Variants in TAF1 observed in about 807,000 individuals in gnomAD.
TAF1 encodes the protein transcription initiation factor TFIID subunit 1.
Under a neutral mutation model 138.5 loss-of-function variants are expected in TAF1, and 2 were observed. The observed-to-expected ratio is 0.01, with a 90% CI of 0.01 to 0.05. The LOEUF (loss-of-function observed/expected upper bound fraction) is 0.05. Among genes scored for constraint, TAF1 ranks in the 10% least tolerant of loss-of-function variants. TAF1 has a pLI of 1.00. For missense variants in TAF1, 709 were observed against 1,478.0 expected, an observed-to-expected ratio of 0.48 and a Z score of 8.53; for synonymous variants, 437 against 503.2, an observed-to-expected ratio of 0.87 and a Z score of 1.76.
intron 28 of TAF1, among the ~76,000 whole-genome samples, chrX:71,417,583 C>T (rs5980763): frequency 7.3e-5 from 8 of 110,285 alleles, no homozygotes; most frequent in Non-Finnish European, 1.5e-4. Flanking sequence ...AGGCTGGTCT[C>T]GAACTCCTGG....
chrX:71,507,882 G>A (rs1005924577), intron 13 of TAF1, among the ~76,000 whole-genome samples: 1 of 109,988 alleles, frequency 9.1e-6, no homozygotes, highest in Non-Finnish European at 1.9e-5. Flanking sequence ...GGGCATGGTG[G>A]CTCACACCTG....
chrX:71,397,455 T>C lies in TAF1; in HGVS notation c.3609T>C (p.Asp1203=). ...DAYVRIRTTK[D]EEFIRKFALF... is the part of the protein sequence containing the mutation. ...ATGTGCGCATACGGACTACAAAAGA[T>C]GAGGAATTCATGTGAGTTTGATTTA... The change falls in exon 23 of 38, where the codon GAT becomes GAC. Residue 1203 remains aspartate, a synonymous_variant. Transcript: ENST00000423759. 8.3e-7 allele frequency: 1 copy of C among 1,211,776 alleles called. No homozygotes were observed. The highest frequency in any genetic ancestry group is 1.1e-6 in the Non-Finnish European group (1 of 895,491).
At chrX:71,402,590 C>G (rs1373854275) in intron 25 of TAF1, among the ~76,000 whole-genome samples, 1 of 112,227 alleles carries the variant, frequency 8.9e-6, no homozygotes, top group Non-Finnish European at 1.9e-5. Flanking sequence ...GACATAGAAA[C>G]TGTGCTTATA....
intron 32 of TAF1, among the ~76,000 whole-genome samples, chrX:71,426,296 G>A (rs1174580098): frequency 2.7e-5 from 3 of 111,472 alleles, no homozygotes; most frequent in Admixed American, 9.5e-5. Flanking sequence ...CCAGAAGAGA[G>A]TTTTCTTAAG....
intron 32 of TAF1, among the ~76,000 whole-genome samples, chrX:71,452,118 C>G (rs1203801616): frequency 1.9e-5 from 2 of 106,678 alleles, no homozygotes; most frequent in African/African-American, 3.4e-5. Flanking sequence ...GACCCCCCCC[C>G]CCACCTCCCT....
chrX:71,410,718 A>G (rs12843061), intron 28 of TAF1, among the ~76,000 whole-genome samples: 2 of 110,157 alleles, frequency 1.8e-5, no homozygotes, highest in Non-Finnish European at 3.8e-5. Flanking sequence ...CGGCCTCCCA[A>G]AGTGCTGGGA....
intron 32 of TAF1, among the ~76,000 whole-genome samples, chrX:71,448,419 A>C (rs1159532035): frequency 8.9e-6 from 1 of 112,001 alleles, no homozygotes; most frequent in African/African-American, 3.2e-5. Flanking sequence ...CCGATGAAAA[A>C]CTAAGGCTGT....
At chrX:71,376,804 G>GATACTA in intron 4 of TAF1, 146 bp from the exon 5 acceptor site, 1 of 812,813 alleles carries the variant, frequency 1.2e-6, no homozygotes, top group South Asian at 2.7e-5. Flanking sequence ...GAGTTTTCTG[G>GATACTA]GTTGCATACT....
intron 8 of TAF1, among the ~76,000 whole-genome samples, chrX:71,381,490 C>A (rs1195203483): frequency 9.0e-6 from 1 of 111,581 alleles, no homozygotes; most frequent in Non-Finnish European, 1.9e-5. Context: ...GTCTTGAACT[C>A]CTGACCTGAA....
chrX:71,454,923 T>C, intron 34 of TAF1, 66 bp downstream of exon 34: 2 of 1,197,005 alleles, frequency 1.7e-6, no homozygotes, highest in Non-Finnish European at 2.3e-6. Flanking sequence ...TGGGAGCATG[T>C]TAACAAATCC....
intron 32 of TAF1, among the ~76,000 whole-genome samples, chrX:71,436,983 A>G (rs2037177603): frequency 9.0e-6 from 1 of 110,998 alleles, no homozygotes; most frequent in African/African-American, 3.3e-5. Flanking sequence ...ATTTATTCAC[A>G]TTTTCTTTTA....
intron 28 of TAF1, among the ~76,000 whole-genome samples, chrX:71,409,416 A>G (rs2035652703): frequency 9.0e-6 from 1 of 111,286 alleles, no homozygotes; most frequent in Non-Finnish European, 1.9e-5. Context: ...GGCATGAGCC[A>G]TTGCGCCTGG....
At chrX:71,431,115 A>G (rs896670040) in intron 32 of TAF1, among the ~76,000 whole-genome samples, 4 of 103,668 alleles carry the variant, frequency 3.9e-5, no homozygotes, top group Non-Finnish European at 5.9e-5. Flanking sequence ...CCCAGGTTCA[A>G]GTGATTTGCC....
chrX:71,369,572 G>C (rs1050924920), intron 3 of TAF1, among the ~76,000 whole-genome samples: 1 of 107,812 alleles, frequency 9.3e-6, no homozygotes, highest in Non-Finnish European at 1.9e-5. Flanking sequence ...TTGAGCACTT[G>C]TTATGTACTC....
At chrX:71,487,187 T>G (rs2039186976) in intron 13 of TAF1, among the ~76,000 whole-genome samples, 1 of 109,047 alleles carries the variant, frequency 9.2e-6, no homozygotes, top group East Asian at 2.8e-4. Flanking sequence ...AGCTCATTGA[T>G]GATCTGTTCT....
intron 32 of TAF1, among the ~76,000 whole-genome samples, chrX:71,424,928 CT>C (rs945283201): frequency 1.3e-3 from 140 of 110,746 alleles, no homozygotes; most frequent in Middle Eastern, 4.7e-3. Flanking sequence ...CCCAGCCAGT[CT>C]TTTTTTTTAA....
chrX:71,428,593 G>A (rs1180580978), intron 32 of TAF1, among the ~76,000 whole-genome samples: 1 of 112,063 alleles, frequency 8.9e-6, no homozygotes, highest in African/African-American at 3.2e-5. Flanking sequence ...CATGTGGTAA[G>A]ATTATAATCC....
At chrX:71,396,805 G>C (rs1319571243) in intron 22 of TAF1, among the ~76,000 whole-genome samples, 1 of 110,100 alleles carries the variant, frequency 9.1e-6, no homozygotes, top group African/African-American at 3.3e-5. Context: ...GGCCAAGGCT[G>C]GCCTATCTCT....
chrX:71,426,077 T>C (rs1221618774), intron 32 of TAF1, among the ~76,000 whole-genome samples: 1 of 106,407 alleles, frequency 9.4e-6, no homozygotes, highest in Non-Finnish European at 1.9e-5. Context: ...CTGGGCAACA[T>C]AGTGAGACCC....
Sources: gnomAD v4.1 joint callset for allele counts (sites outside exome capture counted in the v4.1 genomes callset) on GRCh38, gnomAD v4.1.1 for gene constraint, MANE v1.5 for transcripts, NCBI Gene and HGNC (gene_info 2026-07-23, HGNC 2026-07-21) for gene names.